ADAP1: variants seen among roughly 807,000 people sequenced by gnomAD.
The protein encoded by ADAP1 is arf-GAP with dual PH domain-containing protein 1.
Under a neutral mutation model 54.9 loss-of-function variants are expected in ADAP1, and 31 were observed. The ratio of observed to expected loss-of-function variants is 0.56; its 90% CI spans 0.42 to 0.76. The LOEUF (loss-of-function observed/expected upper bound fraction) is 0.76. Ranked by LOEUF, ADAP1 falls within the 30% of genes least tolerant of loss-of-function variation. The pLI is 0.00. For synonymous variants in ADAP1, 313 were observed against 202.6 expected, an observed-to-expected ratio of 1.55 and a Z score of -4.63; for missense variants, 535 against 512.4, an observed-to-expected ratio of 1.04 and a Z score of -0.42.
intron 1 of ADAP1, among the ~76,000 whole-genome samples, chr7:952,673 G>T (rs555382449): frequency 3.3e-5 from 5 of 152,282 alleles, no homozygotes; most frequent in African/African-American, 1.2e-4. Flanking sequence ...CCTTTGCAAG[G>T]CATCAGTCTC....
chr7:903,226 G>C (rs1844910782), intron 6 of ADAP1, among the ~76,000 whole-genome samples: 1 of 152,160 alleles, frequency 6.6e-6, no homozygotes, highest in Non-Finnish European at 1.5e-5. Context: ...TCTGAGGCCA[G>C]GGGCTGCACC....
At chr7:914,802 A>C (rs1038740700) in intron 4 of ADAP1, among the ~76,000 whole-genome samples, 3 of 151,820 alleles carry the variant, frequency 2.0e-5, no homozygotes, top group African/African-American at 7.3e-5. Flanking sequence ...TGGAGCACAG[A>C]CAGTCACCGC....
chr7:918,019 G>A (rs989630857), intron 4 of ADAP1, among the ~76,000 whole-genome samples: 2 of 152,156 alleles, frequency 1.3e-5, no homozygotes, highest in African/African-American at 2.4e-5. Context: ...GAACTCCTGA[G>A]ATCAGGAGAT....
rs559545177 is a variant in ADAP1 at position 899,280 on chromosome 7, C to G, written c.868-19G>C. 26 of 1,612,136 alleles carry G rather than the reference C, an allele frequency of 1.6e-5. No homozygotes were observed. Among genetic ancestry groups the G allele is most frequent in the East Asian group, 8.9e-5 (4 of 44,864 alleles). On this transcript the variant is annotated intron_variant, in intron 9 of 10. Coordinates refer to ENST00000265846, the MANE Select transcript of ADAP1 (RefSeq NM_006869.4). ...AGGCGTCCTGTGGGTGGGGACCGCA[C>G]TGGAGGCGGGGCCATGTCCCTTCCA...
At chr7:944,666 C>A (rs985587403) in intron 1 of ADAP1, among the ~76,000 whole-genome samples, 2 of 152,154 alleles carry the variant, frequency 1.3e-5, no homozygotes, top group Admixed American at 1.3e-4. Flanking sequence ...AATCACATCA[C>A]GGCAAACACG....
rs58732898 is a variant in ADAP1, at chr7:906,643, G to GA, written c.389-1472_389-1471insT. Among the ~76,000 whole-genome samples, 85 of 91,600 alleles carry GA rather than the reference G, an allele frequency of 9.3e-4. 11 individuals are homozygous for GA. The highest frequency in any genetic ancestry group is 2.6e-3 in the African/African-American group (46 of 17,390). The allele number at this position is 91,600 out of a possible 152,430, so 60.1% of individuals were successfully genotyped here. A position where few individuals can be genotyped will look rare whatever the true frequency, so the allele number is the denominator to read the frequency against. ...AAAGGAGAAAGGAGAAAGGAGAAAG[G>GA]GAAAGGAGAAAGGGGGCGGGAAAGG... On this transcript the variant is annotated intron_variant, in intron 4 of 10. Coordinates refer to ENST00000265846, the MANE Select transcript of ADAP1 (RefSeq NM_006869.4).
chr7:922,185 G>A (rs536789097), intron 3 of ADAP1, among the ~76,000 whole-genome samples: 26 of 152,250 alleles, frequency 1.7e-4, no homozygotes, highest in Admixed American at 3.3e-4. Context: ...GGTGGGCTTC[G>A]GGCCACCTGG....
At chr7:930,492 A>ATGGTGAAACCCTGTATC (rs1846536955) in intron 2 of ADAP1, among the ~76,000 whole-genome samples, 1 of 150,040 alleles carries the variant, frequency 6.7e-6, no homozygotes, top group African/African-American at 2.4e-5. Context: ...CCTGGCCAAC[A>ATGGTGAAACCCTGTATC]TAGCAAGACC....
chr7:914,282 G>A (rs1032796789), intron 4 of ADAP1, among the ~76,000 whole-genome samples: 1 of 152,186 alleles, frequency 6.6e-6, no homozygotes, highest in African/African-American at 2.4e-5. Context: ...CCCAAGCCCC[G>A]AGCTTCCCCT....
chr7:900,759 T>C (rs1844761651), intron 6 of ADAP1, 143 bp from the exon 7 acceptor site: 1 of 731,890 alleles, frequency 1.4e-6, no homozygotes, highest in East Asian at 2.7e-5. Flanking sequence ...CTCCCAGCAG[T>C]CCTGCCGCAG....
At chr7:925,733 C>T (rs1846359968) in intron 3 of ADAP1, among the ~76,000 whole-genome samples, 1 of 152,270 alleles carries the variant, frequency 6.6e-6, no homozygotes, top group Non-Finnish European at 1.5e-5. Flanking sequence ...AGGCGCCCGC[C>T]GCTTTCCTGC....
chr7:909,697 G>A (rs1845640713), intron 4 of ADAP1, among the ~76,000 whole-genome samples: 1 of 152,252 alleles, frequency 6.6e-6, no homozygotes, highest in Admixed American at 6.5e-5. Flanking sequence ...ACACGGCAGC[G>A]TCCTGGACAG....
intron 4 of ADAP1, among the ~76,000 whole-genome samples, chr7:911,511 C>T (rs1351378690): frequency 1.3e-5 from 2 of 152,062 alleles, no homozygotes; most frequent in Non-Finnish European, 2.9e-5. Context: ...AACCCTGACT[C>T]CTGTAAGACA....
At chr7:927,421 G>A (rs1846428172) in intron 2 of ADAP1, 2 of 491,404 alleles carry the variant, frequency 4.1e-6, no homozygotes, top group Non-Finnish European at 8.1e-6. Context: ...CGAGGGCATG[G>A]GAGAGGTTCT....
chr7:898,944 C>T lies in ADAP1; in HGVS notation c.1102G>A (p.Ala368Thr). 2 of 1,610,614 alleles carry T rather than the reference C, an allele frequency of 1.2e-6. No homozygotes were observed. The highest frequency in any genetic ancestry group is 1.7e-6 in the Non-Finnish European group (2 of 1,178,920). ...PMLPQEYAVE[A>T]HFKHKP ...CGCTAAGGTTTATGCTTGAAGTGCG[C>T]CTCCACTGCAACGGAACAGGGTCCA... Residue 368 changes from alanine to threonine, a missense_variant, in exon 11 of 11, where the codon GCG becomes ACG. Physicochemically the swap from Ala to Thr is moderately conservative, Grantham distance 58 (BLOSUM62 0). Coordinates refer to ENST00000265846, the MANE Select transcript of ADAP1 (RefSeq NM_006869.4).
At chr7:908,658 C>T (rs1186999994) in intron 4 of ADAP1, among the ~76,000 whole-genome samples, 1 of 152,252 alleles carries the variant, frequency 6.6e-6, no homozygotes, top group Non-Finnish European at 1.5e-5. Flanking sequence ...GGTGTCCCCA[C>T]GGCTCTGCCT....
intron 1 of ADAP1, among the ~76,000 whole-genome samples, chr7:936,782 G>A (rs1463407711): frequency 2.0e-5 from 3 of 152,228 alleles, no homozygotes; most frequent in African/African-American, 2.4e-5. Context: ...AAATCGAGGC[G>A]CTTCCCCACA....
In ADAP1 at chr7:900,519, G is replaced by C; in HGVS notation, c.732+14C>G. The C allele has an allele frequency of 6.3e-7, 1 of 1,587,852 alleles. No individual in the cohort carries two copies. Among genetic ancestry groups the C allele is most frequent in the Non-Finnish European group, 8.6e-7 (1 of 1,166,024 alleles). The stretch of plus-strand genomic sequence containing the variant: ...CCTGTCTGCCCTGGAGCTGACCGCA[G>C]GGCCGCCACTCACATCTGCGTCGCC... On this transcript the variant is annotated intron_variant, in intron 7 of 10. Coordinates refer to ENST00000265846, the MANE Select transcript of ADAP1 (RefSeq NM_006869.4).
chr7:904,337 G>A (rs907333482), intron 5 of ADAP1, 65 bp from the exon 6 acceptor site: 1 of 1,513,076 alleles, frequency 6.6e-7, no homozygotes, highest in Non-Finnish European at 8.9e-7. Context: ...GAGCAGGAAG[G>A]GCAGACCCTG....
Sources: allele counts gnomAD v4.1 joint callset (sites outside exome capture counted in the v4.1 genomes callset), GRCh38; gene constraint gnomAD v4.1.1; transcripts MANE v1.5; gene names NCBI Gene and HGNC (gene_info 2026-07-23, HGNC 2026-07-21).